TMEM164: variants seen among roughly 807,000 people sequenced by gnomAD.
The protein encoded by TMEM164 is RP13-360B22.2.
TMEM164 carries 4 observed loss-of-function variants against 18.8 expected under a neutral mutation model. The observed-to-expected ratio is 0.21, with a 90% CI of 0.10 to 0.49. The LOEUF (loss-of-function observed/expected upper bound fraction) is 0.49. Ranked by LOEUF, TMEM164 falls within the 20% of genes least tolerant of loss-of-function variation. TMEM164 has a pLI of 0.98. For missense variants in TMEM164, 108 were observed against 239.9 expected (o/e 0.45, Z 3.63); for synonymous variants, 86 against 101.7 (o/e 0.85, Z 0.93).
At chrX:110,035,139 G>C (rs186981419) in intron 2 of TMEM164, among the ~76,000 whole-genome samples, 80 of 105,980 alleles carry the variant, frequency 7.5e-4, no homozygotes, top group Middle Eastern at 4.8e-3. Flanking sequence ...GTTAATGGGT[G>C]CAGCACACCA....
intron 2 of TMEM164, among the ~76,000 whole-genome samples, chrX:110,016,361 C>T (rs1933366653): frequency 8.9e-6 from 1 of 112,027 alleles, no homozygotes; most frequent in Admixed American, 9.4e-5. Context: ...TCAGTTATAA[C>T]TGTCTGTGGA....
chrX:110,052,706 A>T lies in TMEM164; in HGVS notation c.391-14641A>T, dbSNP rs1046542153. On this transcript the variant is annotated intron_variant, in intron 2 of 6. Transcript: ENST00000372068. ...CTAAATATAAATGAGAAATGGTGAT[A>T]TGTGTTGTGAAGGAAAAGAACAGCA... Among the ~76,000 whole-genome samples the T allele has an allele frequency of 3.9e-5, 4 of 103,873 alleles. No homozygotes were observed. The East Asian group carries it at 1.3e-3, about 33-fold the overall frequency. The allele number at this position is 103,873 out of a possible 115,157, so 90.2% of individuals were successfully genotyped here.
intron 4 of TMEM164, among the ~76,000 whole-genome samples, chrX:110,110,793 C>T (rs901807004): frequency 2.7e-5 from 3 of 112,249 alleles, no homozygotes; most frequent in African/African-American, 6.5e-5. Context: ...CCCAGGTGTT[C>T]GTAACTCACA....
chrX:110,068,252 G>C (rs1391470499), intron 3 of TMEM164, among the ~76,000 whole-genome samples: 1 of 112,121 alleles, frequency 8.9e-6, no homozygotes, highest in African/African-American at 3.2e-5. Flanking sequence ...GACCCCATTT[G>C]CTGCTTCAAA....
At position 110,108,593 on chromosome X, in the gene TMEM164, G is replaced by A. The variant is rs140699653; in HGVS notation, c.441-487G>A. On this transcript the variant is annotated intron_variant, in intron 3 of 6. Transcript: ENST00000372068. ...TATAGTTTGCAAAACACTGCAGTTG[G>A]CTTCCTGGGTTGTAGCAATCTTTTT... Among the ~76,000 whole-genome samples the A allele has an allele frequency of 4.3e-3, 482 of 112,315 alleles. 1 individual carries two copies. Among genetic ancestry groups the A allele is most frequent in the African/African-American group, 0.014 (439 of 30,936 alleles).
intron 5 of TMEM164, among the ~76,000 whole-genome samples, chrX:110,160,917 T>C (rs1161126438): frequency 8.9e-6 from 1 of 111,757 alleles, no homozygotes; most frequent in Non-Finnish European, 1.9e-5. Flanking sequence ...ATTGTTGTAA[T>C]TTTAGGAGAG....
intron 3 of TMEM164, among the ~76,000 whole-genome samples, chrX:110,088,629 T>C (rs1178683651): frequency 8.9e-6 from 1 of 112,037 alleles, no homozygotes; most frequent in East Asian, 2.8e-4. Flanking sequence ...TGTCAGGTTC[T>C]GCCTTCGGTT....
intron 3 of TMEM164, among the ~76,000 whole-genome samples, chrX:110,071,785 C>G (rs1208087292): frequency 9.3e-6 from 1 of 107,496 alleles, no homozygotes; most frequent in Non-Finnish European, 1.9e-5. Context: ...CCTGTAGTCC[C>G]AGCTACTTGA....
rs180881294 is a variant in TMEM164 at position 110,077,776 on chromosome X, A to G, written c.440+10380A>G. 4.7e-3 allele frequency among the ~76,000 whole-genome samples: 523 copies of G among 112,115 alleles called. 3 individuals carry two copies. The highest frequency in any genetic ancestry group is 0.015 in the African/African-American group (478 of 30,936). On this transcript the variant is annotated intron_variant, in intron 3 of 6. Coordinates refer to ENST00000372068, the MANE Select transcript of TMEM164 (RefSeq NM_032227.4). The stretch of plus-strand genomic sequence containing the variant: ...TTTATTTTTTCTAAGGATGCTGAAA[A>G]TAGGCCCCCAGTCTCTTCTGGCTTG...
In TMEM164 at chrX:110,003,813, C is replaced by T. The variant is rs779518721; in HGVS notation, c.39C>T (p.Leu13=). Residue 13 remains leucine, a synonymous_variant, in exon 2 of 7, where the codon CTC becomes CTT. Coordinates refer to ENST00000372068, the MANE Select transcript of TMEM164 (RefSeq NM_032227.4). ...RYSYQSLLDW[L]YGGVDPSFAG... ...GCTACCAGAGTCTCCTGGACTGGCTCTATGGGGGCGTGGACCCCAGTTTTG... is the reference window on the plus strand; with the variant it reads ...GCTACCAGAGTCTCCTGGACTGGCTTTATGGGGGCGTGGACCCCAGTTTTG... 1 of 1,210,185 alleles carries T rather than the reference C, an allele frequency of 8.3e-7. No individual in the cohort carries two copies. Among genetic ancestry groups the T allele is most frequent in the East Asian group, 3.0e-5 (1 of 33,837 alleles).
At chrX:110,114,799 G>A (rs1181988307) in intron 4 of TMEM164, among the ~76,000 whole-genome samples, 1 of 112,143 alleles carries the variant, frequency 8.9e-6, no homozygotes, top group Non-Finnish European at 1.9e-5. Flanking sequence ...TCTTCTACTA[G>A]GAGAAGCATG....
intron 2 of TMEM164, among the ~76,000 whole-genome samples, chrX:110,015,087 C>G (rs915059470): frequency 1.8e-5 from 2 of 112,033 alleles, no homozygotes; most frequent in Non-Finnish European, 3.8e-5. Context: ...AGACTTTGCT[C>G]TGGGGCCTCG....
intron 2 of TMEM164, among the ~76,000 whole-genome samples, chrX:110,056,412 T>C (rs1466312327): frequency 8.9e-6 from 1 of 112,459 alleles, no homozygotes; most frequent in Non-Finnish European, 1.9e-5. Flanking sequence ...CCACATTTTA[T>C]GTATCCATTT....
At chrX:110,139,269 C>A (rs2066734882) in intron 4 of TMEM164, among the ~76,000 whole-genome samples, 1 of 111,818 alleles carries the variant, frequency 8.9e-6, no homozygotes, top group South Asian at 3.8e-4. Flanking sequence ...TAGCCTTAGC[C>A]AGCAGCACAG....
Position 110,171,442 on chromosome X carries a change from C to T in TMEM164, c.609C>T (p.Leu203=), listed in dbSNP as rs1301807989. 8.3e-7 allele frequency: 1 copy of T among 1,209,722 alleles called. No homozygotes were observed. Among genetic ancestry groups the T allele is most frequent in the East Asian group, 3.0e-5 (1 of 33,821 alleles). ...CAGGTGCTTACACTCCAGAGCCCCT[C>T]AGCAGTTTCCGGTGGGCTCTTCTCT... The part of the protein sequence containing the change: ...WKGGAYTPEP[L]SSFRWALLST... The change falls in exon 6 of 7, where the codon CTC becomes CTT. Residue 203 remains leucine, a synonymous_variant. Coordinates refer to ENST00000372068, the MANE Select transcript of TMEM164 (RefSeq NM_032227.4).
In TMEM164 at chrX:110,037,984, AT is replaced by A. The variant is rs1036705725; in HGVS notation, c.391-29339del. On this transcript the variant is annotated intron_variant, in intron 2 of 6. Transcript: ENST00000372068. ...TTCCTAAAGAACAGCCTTTGGACTC[AT>A]TTTTTTTTTTTTTTTTTTTTTTTGA... 7.1e-3 allele frequency among the ~76,000 whole-genome samples: 516 copies of A among 72,673 alleles called. 1 individual carries two copies. The highest frequency in any genetic ancestry group is 0.019 in the African/African-American group (312 of 16,386). 63.1% of individuals were successfully genotyped at this position (72,673 alleles called of 115,157 possible).
intron 4 of TMEM164, among the ~76,000 whole-genome samples, chrX:110,144,462 G>A (rs2066821788): frequency 9.0e-6 from 1 of 111,100 alleles, no homozygotes; most frequent in African/African-American, 3.3e-5. Flanking sequence ...TTGTCTGTAG[G>A]GGCCACTCAG....
At chrX:110,024,599 T>C (rs1231226993) in intron 2 of TMEM164, among the ~76,000 whole-genome samples, 1 of 112,246 alleles carries the variant, frequency 8.9e-6, no homozygotes, top group Non-Finnish European at 1.9e-5. Flanking sequence ...GGAGCTGTTA[T>C]TTAATTTCAG....
At chrX:110,148,359 C>T (rs1158703843) in intron 5 of TMEM164, among the ~76,000 whole-genome samples, 1 of 111,478 alleles carries the variant, frequency 9.0e-6, no homozygotes, top group African/African-American at 3.3e-5. Context: ...CCACATCCAT[C>T]CCTATCTTCC....
Sources: gnomAD v4.1 joint callset for allele counts (sites outside exome capture counted in the v4.1 genomes callset) on GRCh38, gnomAD v4.1.1 for gene constraint, MANE v1.5 for transcripts, NCBI Gene and HGNC (gene_info 2026-07-23, HGNC 2026-07-21) for gene names.